WDR41: variants seen among roughly 807,000 people sequenced by gnomAD.
WDR41 encodes WD repeat-containing protein 41.
Under a neutral mutation model 69.3 loss-of-function variants are expected in WDR41, and 63 were observed. That is an observed-to-expected ratio of 0.91 (90% CI 0.74 to 1.12). The LOEUF (loss-of-function observed/expected upper bound fraction) is 1.12. Among genes scored for constraint, WDR41 ranks in the 50% most tolerant of loss-of-function variants. The probability of loss-of-function intolerance (pLI) is 0.00; values close to 1 mark genes in which losing one functional copy is unlikely to be tolerated. For synonymous variants in WDR41, 185 were observed against 192.1 expected, an observed-to-expected ratio of 0.96 and a Z score of 0.31; for missense variants, 543 against 534.5, an observed-to-expected ratio of 1.02 and a Z score of -0.16.
intron 1 of WDR41, among the ~76,000 whole-genome samples, chr5:77,531,782 A>C (rs1358466659): frequency 6.6e-6 from 1 of 152,062 alleles, no homozygotes; most frequent in African/African-American, 2.4e-5. Context: ...AAAAGGAATT[A>C]AATACTGATA....
chr5:77,573,633 G>A (rs1378638158), intron 1 of WDR41, among the ~76,000 whole-genome samples: 2 of 152,116 alleles, frequency 1.3e-5, no homozygotes, highest in East Asian at 3.9e-4. Flanking sequence ...AGCCACTAAA[G>A]TATGCACAGC....
chr5:77,436,204 A>C, intron 12 of WDR41, 57 bp downstream of exon 12: 2 of 1,580,534 alleles, frequency 1.3e-6, no homozygotes, highest in Non-Finnish European at 1.7e-6. Context: ...GAAAGAAAAG[A>C]GCAATGAAAT....
At chr5:77,617,790 G>T (rs1160911628) in intron 1 of WDR41, among the ~76,000 whole-genome samples, 1 of 152,210 alleles carries the variant, frequency 6.6e-6, no homozygotes, top group South Asian at 2.1e-4. Context: ...TAAAGTTTTA[G>T]AAAAAATAAA....
chr5:77,509,030 T>G (rs944550302), intron 1 of WDR41, among the ~76,000 whole-genome samples: 4 of 152,182 alleles, frequency 2.6e-5, no homozygotes, highest in Non-Finnish European at 5.9e-5. Flanking sequence ...GCAGGGATAG[T>G]TTTTGAGGCT....
chr5:77,509,900 C>T (rs540627333), intron 1 of WDR41, among the ~76,000 whole-genome samples: 7 of 152,266 alleles, frequency 4.6e-5, no homozygotes, highest in Non-Finnish European at 7.4e-5. Flanking sequence ...TATTTATTGG[C>T]AACCTGAAGT....
intron 2 of WDR41, among the ~76,000 whole-genome samples, chr5:77,485,156 T>A (rs1239999944): frequency 6.6e-6 from 1 of 152,162 alleles, no homozygotes; most frequent in Non-Finnish European, 1.5e-5. Context: ...TTTCATTGGC[T>A]TTCTCTCTTA....
intron 1 of WDR41, among the ~76,000 whole-genome samples, chr5:77,579,752 T>G (rs1018452993): frequency 6.6e-6 from 1 of 152,240 alleles, no homozygotes; most frequent in Admixed American, 6.5e-5. Context: ...AAGTTAATTA[T>G]GTAATCAGAA....
At chr5:77,573,488 G>A (rs1160889454) in intron 1 of WDR41, among the ~76,000 whole-genome samples, 1 of 152,158 alleles carries the variant, frequency 6.6e-6, no homozygotes, top group Admixed American at 6.6e-5. Context: ...AGAGACCACA[G>A]AAGAATGAAA....
At chr5:77,439,818 A>G (rs1246595643) in intron 9 of WDR41, among the ~76,000 whole-genome samples, 1 of 152,250 alleles carries the variant, frequency 6.6e-6, no homozygotes, top group Non-Finnish European at 1.5e-5. Flanking sequence ...TTTTCACAAA[A>G]GTGAGAAAAA....
chr5:77,477,129 C>G (rs9687245), intron 2 of WDR41, among the ~76,000 whole-genome samples: 14,722 of 146,448 alleles, frequency 0.1, 1,024 homozygotes, highest in Middle Eastern at 0.19. Flanking sequence ...GCTAACTATC[C>G]TAAATATATA....
intron 2 of WDR41, among the ~76,000 whole-genome samples, chr5:77,468,874 G>T (rs1435830728): frequency 6.6e-6 from 1 of 151,970 alleles, no homozygotes; most frequent in Non-Finnish European, 1.5e-5. Context: ...ATCTAAATAA[G>T]GTCTATATAG....
At chr5:77,593,190 G>A (rs1354861573) in intron 1 of WDR41, among the ~76,000 whole-genome samples, 1 of 152,160 alleles carries the variant, frequency 6.6e-6, no homozygotes, top group Non-Finnish European at 1.5e-5. Context: ...GCAGGTGCCA[G>A]ATTACACAAT....
At chr5:77,547,541 A>G (rs1743221193) in intron 1 of WDR41, among the ~76,000 whole-genome samples, 1 of 151,578 alleles carries the variant, frequency 6.6e-6, no homozygotes, top group African/African-American at 2.4e-5. Flanking sequence ...AAAAAAAAAC[A>G]AACAAAAAAT....
At chr5:77,537,895 T>G (rs1561217951) in intron 1 of WDR41, among the ~76,000 whole-genome samples, 4 of 152,196 alleles carry the variant, frequency 2.6e-5, no homozygotes, top group African/African-American at 9.6e-5. Context: ...GAGTATAGAA[T>G]AGACGAAAAT....
At chr5:77,538,211 G>A (rs776472997) in intron 1 of WDR41, among the ~76,000 whole-genome samples, 5 of 152,020 alleles carry the variant, frequency 3.3e-5, no homozygotes, top group Non-Finnish European at 5.9e-5. Context: ...AATCTTTTGT[G>A]TCTGACCTGT....
intron 1 of WDR41, among the ~76,000 whole-genome samples, chr5:77,566,147 G>A (rs1336778129): frequency 6.6e-6 from 1 of 152,098 alleles, no homozygotes; most frequent in African/African-American, 2.4e-5. Flanking sequence ...ATAAGAGGAA[G>A]CATTGAAATT....
rs781562187 is a variant in WDR41, at chr5:77,524,884, G to T, written c.43-35312C>A. Among the ~76,000 whole-genome samples the T allele has an allele frequency of 3.2e-4, 49 of 152,150 alleles. 1 individual carries two copies. The highest frequency in any genetic ancestry group is 2.1e-3 in the South Asian group (10 of 4,828). On this transcript the variant is annotated intron_variant, in intron 1 of 5. Coordinates refer to the WDR41 transcript ENST00000509971. The stretch of plus-strand genomic sequence containing the variant: ...TCTAGCTTAGGCTTTTGTGTTCATT[G>T]AACATTTTACTCCAAAATATATCTG...
chr5:77,460,571 C>T (rs1800011002), intron 4 of WDR41, among the ~76,000 whole-genome samples: 1 of 152,116 alleles, frequency 6.6e-6, no homozygotes, highest in Admixed American at 6.5e-5. Flanking sequence ...TATCCCTTAT[C>T]CAAAATGCTT....
At chr5:77,477,015 G>C (rs1444527823) in intron 2 of WDR41, among the ~76,000 whole-genome samples, 1 of 148,718 alleles carries the variant, frequency 6.7e-6, no homozygotes, top group African/African-American at 2.6e-5. Flanking sequence ...AAAGGCAGGG[G>C]TTGCAATCCT....
Sources: allele counts gnomAD v4.1 joint callset (sites outside exome capture counted in the v4.1 genomes callset), GRCh38; gene constraint gnomAD v4.1.1; transcripts MANE v1.5; gene names NCBI Gene and HGNC (gene_info 2026-07-23, HGNC 2026-07-21).